Variants in TMPRSS13 observed in about 807,000 individuals in gnomAD.
TMPRSS13 encodes the protein transmembrane serine protease 13.
In TMPRSS13, 50 loss-of-function variants were observed where a neutral mutation model predicts 68.4. The ratio of observed to expected loss-of-function variants is 0.73; its 90% confidence interval spans 0.58 to 0.93. The LOEUF (loss-of-function observed/expected upper bound fraction) is 0.93, where lower values mean the gene tolerates loss of function less well. Among genes scored for constraint, TMPRSS13 ranks in the 40% least tolerant of loss-of-function variants. TMPRSS13 has a pLI of 0.00. For missense variants in TMPRSS13, 615 were observed against 729.2 expected (o/e 0.84, Z 1.80); for synonymous variants, 267 against 285.8 (o/e 0.93, Z 0.66).
Position 117,914,198 on chromosome 11 carries a change from A to T in TMPRSS13, c.679+194T>A, listed in dbSNP as rs540765527. 3.9e-4 allele frequency among the ~76,000 whole-genome samples: 59 copies of T among 152,220 alleles called. No homozygotes were observed. The highest frequency in any genetic ancestry group is 1.3e-3 in the African/African-American group (54 of 41,530). ...ATGGACAGGGAATCATTGGGTCTGG[A>T]TTACATACATGCACACATGCACACA... On this transcript the variant is annotated intron_variant, in intron 4 of 12. Coordinates refer to ENST00000524993, the MANE Select transcript of TMPRSS13 (RefSeq NM_001077263.3). This position sits in a 1 kb window ranked among gnomAD's most constrained non-coding sequence, Gnocchi z 4.2.
chr11:117,913,160 C>T (rs1256748530), intron 5 of TMPRSS13, among the ~76,000 whole-genome samples: 1 of 152,164 alleles, frequency 6.6e-6, no homozygotes, highest in Non-Finnish European at 1.5e-5. Context: ...AAAACTCAGT[C>T]CAAGAGGGAG....
At position 117,910,731 on chromosome 11, in the gene TMPRSS13, G is replaced by A. The variant is rs181029155; in HGVS notation, c.922C>T (p.Arg308Trp). 120 of 1,608,620 alleles carry A rather than the reference G, an allele frequency of 7.5e-5. No individual in the cohort carries two copies. The highest frequency in any genetic ancestry group is 9.3e-5 in the Non-Finnish European group (109 of 1,176,896). ...SLHRSECPSQRYISLQCSHCG... is the reference protein window; with the variant it reads ...SLHRSECPSQWYISLQCSHCG... Reference sequence around the variant, plus strand: ...CGGGAACACTGGAGAGAGATATACCGCTGGGAAGGGCATTCAGACCTGCAG... The same window carrying A: ...CGGGAACACTGGAGAGAGATATACCACTGGGAAGGGCATTCAGACCTGCAG... Residue 308 changes from arginine (R) to tryptophan (W), a missense_variant, in exon 7 of 13, where the codon CGG becomes TGG. Transcript: ENST00000524993.
At chr11:117,916,923 A>G (rs958665231) in intron 3 of TMPRSS13, among the ~76,000 whole-genome samples, 20 of 152,210 alleles carry the variant, frequency 1.3e-4, no homozygotes, top group Admixed American at 1.2e-3. Flanking sequence ...AGTAAGCTGC[A>G]TAGTAAGTGG....
chr11:117,917,052 A>C, intron 3 of TMPRSS13, 118 bp downstream of exon 3: 1 of 839,850 alleles, frequency 1.2e-6, no homozygotes, highest in Non-Finnish European at 1.9e-6. Context: ...CTCTCTGGAC[A>C]CAGTAGCCGG....
At chr11:117,921,250 G>A (rs527630215) in intron 1 of TMPRSS13, among the ~76,000 whole-genome samples, 9 of 152,262 alleles carry the variant, frequency 5.9e-5, no homozygotes, top group South Asian at 2.1e-4. Context: ...ACCTACCTTC[G>A]TCTCTTCAGG....
chr11:117,908,576 G>T (rs759738621), intron 9 of TMPRSS13, 36 bp downstream of exon 9: 2 of 1,544,238 alleles, frequency 1.3e-6, no homozygotes, highest in Non-Finnish European at 1.7e-6. Flanking sequence ...TGCTGGGGCT[G>T]GGGGGCAGGA....
At chr11:117,928,678 G>T (rs537302335) in intron 1 of TMPRSS13, among the ~76,000 whole-genome samples, 1 of 152,322 alleles carries the variant, frequency 6.6e-6, no homozygotes, top group East Asian at 1.9e-4. Flanking sequence ...TACCCCAAGA[G>T]CAGCAGAAGA....
intron 1 of TMPRSS13, among the ~76,000 whole-genome samples, chr11:117,927,045 T>A (rs2134935263): frequency 6.6e-6 from 1 of 152,348 alleles, no homozygotes; most frequent in South Asian, 2.1e-4. Context: ...CATAATGAAC[T>A]ATAACTCAAC....
At chr11:117,910,673 C>T (rs1328719554) in intron 7 of TMPRSS13, 34 bp downstream of exon 7, 45 of 1,596,806 alleles carry the variant, frequency 2.8e-5, no homozygotes, top group Non-Finnish European at 3.8e-5. Context: ...TCCCACACGA[C>T]ACTGGCCACA....
Position 117,914,348 on chromosome 11 carries a change from T to A in TMPRSS13, c.679+44A>T, listed in dbSNP as rs1387059888. On this transcript the variant is annotated intron_variant, in intron 4 of 12. Transcript: ENST00000524993. The surrounding 1 kb of genome is among the most constrained non-coding windows in gnomAD (Gnocchi z 4.2). ...ATATACAAACAGGCACACAAACACA[T>A]GCACATGCACACGCACGCGCTCCCC... is the stretch of plus-strand genomic sequence containing the variant. 3.7e-6 allele frequency: 6 copies of A among 1,607,204 alleles called. No homozygotes were observed. In the Admixed American group the frequency reaches 1.0e-4, roughly 27 times the overall value.
intron 1 of TMPRSS13, among the ~76,000 whole-genome samples, chr11:117,924,205 A>AGAAAAGAAAAGAAAC (rs1565355187): frequency 6.7e-6 from 1 of 149,298 alleles, no homozygotes; most frequent in Non-Finnish European, 1.5e-5. Context: ...AGAAAAGAAA[A>AGAAAAGAAAAGAAAC]CCTACCCAAG....
At chr11:117,920,768 C>T (rs1003613789) in intron 1 of TMPRSS13, among the ~76,000 whole-genome samples, 2 of 152,140 alleles carry the variant, frequency 1.3e-5, no homozygotes, top group African/African-American at 2.4e-5. Flanking sequence ...GGGTTACAGG[C>T]GTGAGCCACC....
At chr11:117,903,547 TG>T in intron 12 of TMPRSS13, 107 bp downstream of exon 12, 8 of 1,579,764 alleles carry the variant, frequency 5.1e-6, no homozygotes, top group African/African-American at 1.3e-5. Context: ...CCCCCGAATA[TG>T]GGGACGCTGA....
At chr11:117,920,879 C>A (rs2057638212) in intron 1 of TMPRSS13, among the ~76,000 whole-genome samples, 1 of 152,216 alleles carries the variant, frequency 6.6e-6, no homozygotes, top group Admixed American at 6.5e-5. Flanking sequence ...TTCCCAACTG[C>A]GTTTCCTGGG....
Position 117,902,002 on chromosome 11 carries a change from G to A in TMPRSS13, c.*237C>T. On this transcript the variant is annotated 3_prime_UTR_variant, in exon 13 of 13. Coordinates refer to ENST00000524993, the MANE Select transcript of TMPRSS13 (RefSeq NM_001077263.3). ...CTTGTCTCCAGGTAATTTCCAGCCT[G>A]GGATTTTGAGAAGAGTTGACAGCTC... 1.7e-6 allele frequency: 1 copy of A among 591,476 alleles called. No homozygotes were observed. The highest frequency in any genetic ancestry group is 2.0e-5 in the South Asian group (1 of 51,254). 36.6% of individuals were successfully genotyped at this position (591,476 alleles called of 1,614,324 possible). A position where few individuals can be genotyped will look rare whatever the true frequency, so the allele number is the denominator to read the frequency against.
intron 12 of TMPRSS13, 41 bp from the exon 13 acceptor site, chr11:117,902,306 G>C (rs780410277): frequency 1.2e-6 from 2 of 1,613,030 alleles, no homozygotes. Context: ...GGTGGGCCAG[G>C]TGGGCGAGGA....
chr11:117,909,827 G>C lies in TMPRSS13; in HGVS notation c.1088C>G (p.Thr363Ser), dbSNP rs1404775680. The C allele has an allele frequency of 3.1e-6, 5 of 1,612,524 alleles. No homozygotes were observed. In the Admixed American group the frequency reaches 8.3e-5, roughly 27 times the overall value. ...TTACACGAAGAAGCAGTGGGCGGCA[G>C]TGAGCACCCACTGGGCGTCAATGAG... ...GTLIDAQWVL[T>S]AAHCFFVTRE... Residue 363 changes from threonine to serine, a missense_variant, in exon 8 of 13, where the codon ACT (threonine) becomes AGT (serine). Thr to Ser is a moderately conservative substitution (Grantham distance 58). Transcript: ENST00000524993.
intron 5 of TMPRSS13, 102 bp downstream of exon 5, chr11:117,913,675 A>G (rs562866387): frequency 5.5e-6 from 8 of 1,467,486 alleles, no homozygotes; most frequent in African/African-American, 2.8e-5. Flanking sequence ...CCGGTCCCCA[A>G]GGGTCTTTTT....
At chr11:117,928,053 T>C (rs763401011) in intron 1 of TMPRSS13, among the ~76,000 whole-genome samples, 16 of 152,188 alleles carry the variant, frequency 1.1e-4, no homozygotes, top group Non-Finnish European at 1.9e-4. Flanking sequence ...AGTGGGAGCA[T>C]GGCCACCCTC....
Sources: allele counts gnomAD v4.1 joint callset (sites outside exome capture counted in the v4.1 genomes callset), GRCh38; gene constraint gnomAD v4.1.1; non-coding constraint Gnocchi (gnomAD v3.1); transcripts MANE v1.5; gene names NCBI Gene and HGNC (gene_info 2026-07-23, HGNC 2026-07-21).